Variants in AFF4 observed in about 807,000 individuals in gnomAD.
AFF4 encodes the protein ALF transcription elongation factor 4.
AFF4 carries 13 observed loss-of-function variants against 124.8 expected under a neutral mutation model. That is an observed-to-expected ratio of 0.10 (90% CI 0.07 to 0.17). The LOEUF is 0.17. Among genes scored for constraint, AFF4 ranks in the 10% least tolerant of loss-of-function variants. The pLI is 1.00. For missense variants in AFF4, 1,092 were observed against 1,403.8 expected, an observed-to-expected ratio of 0.78 and a Z score of 3.55; for synonymous variants, 477 against 496.1, an observed-to-expected ratio of 0.96 and a Z score of 0.51.
intron 1 of AFF4, among the ~76,000 whole-genome samples, chr5:132,947,590 G>A (rs1163467800): frequency 2.0e-5 from 3 of 152,102 alleles, no homozygotes; most frequent in Non-Finnish European, 4.4e-5. Flanking sequence ...AACTCTGAAA[G>A]TCAAAATGAG....
intron 1 of AFF4, among the ~76,000 whole-genome samples, chr5:132,941,586 T>C (rs10064589): frequency 0.38 from 57,220 of 151,974 alleles, 11,485 homozygotes; most frequent in East Asian, 0.6. Context: ...TCTGCTCACC[T>C]TGGCCTCCAA....
intron 6 of AFF4, among the ~76,000 whole-genome samples, chr5:132,903,271 G>A (rs188661555): frequency 1.3e-5 from 2 of 152,132 alleles, no homozygotes; most frequent in African/African-American, 2.4e-5. Context: ...CGGCCTTTAA[G>A]GTGGAACTAA....
At position 132,963,266 on chromosome 5, in the gene AFF4, C is replaced by G. The variant is rs1012612880; in HGVS notation, c.-12G>C. On this transcript the variant is annotated 5_prime_UTR_variant, in exon 1 of 21. Transcript: ENST00000265343. Reference sequence around the variant, plus strand: ...TCTGTCGGCCCTTCTTACCTCCAGTCCCGGCTCCGCTAGGCCCGAACCATC... The same window carrying G: ...TCTGTCGGCCCTTCTTACCTCCAGTGCCGGCTCCGCTAGGCCCGAACCATC... The G allele has an allele frequency of 5.1e-6, 2 of 394,158 alleles. No homozygotes were observed. The highest frequency in any genetic ancestry group is 3.6e-5 in the East Asian group (1 of 27,886). 24.4% of individuals were successfully genotyped at this position (394,158 alleles called of 1,614,324 possible).
intron 1 of AFF4, among the ~76,000 whole-genome samples, chr5:132,938,114 T>TA (rs1437940167): frequency 6.6e-5 from 10 of 150,992 alleles, no homozygotes; most frequent in Non-Finnish European, 1.0e-4. Flanking sequence ...GTTTTTTTTT[T>TA]TAAAAAAAAA....
intron 5 of AFF4, among the ~76,000 whole-genome samples, chr5:132,923,059 C>T (rs1270198814): frequency 6.6e-6 from 1 of 152,080 alleles, no homozygotes; most frequent in Non-Finnish European, 1.5e-5. Context: ...ACCTGTAGTC[C>T]CAGCTACTCA....
At chr5:132,939,373 C>T (rs1761513336) in intron 1 of AFF4, among the ~76,000 whole-genome samples, 1 of 152,170 alleles carries the variant, frequency 6.6e-6, no homozygotes, top group African/African-American at 2.4e-5. Flanking sequence ...CTATAGAACT[C>T]TATTTCAATC....
In AFF4 at chr5:132,926,931, C is replaced by G. The variant is rs1211962621; in HGVS notation, c.1050+190G>C. Reference sequence around the variant, plus strand: ...TCTTAATACCTCTTGATCCAAGATGCTCTCAGTTCCATTACCCTGCTAATT... The same window carrying G: ...TCTTAATACCTCTTGATCCAAGATGGTCTCAGTTCCATTACCCTGCTAATT... On this transcript the variant is annotated intron_variant, in intron 5 of 20. Transcript: ENST00000265343. 8 of 514,894 alleles carry G rather than the reference C, an allele frequency of 1.6e-5. No individual in the cohort carries two copies. In the Admixed American group the frequency reaches 2.2e-4, roughly 14 times the overall value. 31.9% of individuals were successfully genotyped at this position (514,894 alleles called of 1,614,324 possible).
chr5:132,952,212 A>G (rs1761860282), intron 1 of AFF4, among the ~76,000 whole-genome samples: 1 of 152,210 alleles, frequency 6.6e-6, no homozygotes, highest in Non-Finnish European at 1.5e-5. Flanking sequence ...AATTACTAAT[A>G]CTTTCCAAAA....
At chr5:132,931,732 G>A (rs1468389800) in intron 4 of AFF4, among the ~76,000 whole-genome samples, 1 of 152,200 alleles carries the variant, frequency 6.6e-6, no homozygotes, top group African/African-American at 2.4e-5. Flanking sequence ...GAAGCAGGTG[G>A]ATCACCTGAG....
intron 5 of AFF4, among the ~76,000 whole-genome samples, chr5:132,924,186 G>A (rs1289034822): frequency 2.6e-5 from 4 of 152,114 alleles, no homozygotes; most frequent in Non-Finnish European, 4.4e-5. Flanking sequence ...CCCAGGAGGC[G>A]GAGGTTGCAG....
chr5:132,954,634 G>A (rs1761914441), intron 1 of AFF4, among the ~76,000 whole-genome samples: 2 of 142,440 alleles, frequency 1.4e-5, no homozygotes, highest in African/African-American at 5.3e-5. Context: ...TGCAAGCTCC[G>A]CCTCCCGGGT....
At chr5:132,885,205 A>G (rs1760083322) in intron 18 of AFF4, 86 bp from the exon 19 acceptor site, 1 of 1,038,834 alleles carries the variant, frequency 9.6e-7, no homozygotes, top group Non-Finnish European at 1.4e-6. Flanking sequence ...GCTTTGGGCA[A>G]GAGCTCATCG....
rs775970739 is a variant in AFF4 at position 132,949,700 on chromosome 5, A to ACACACG, written c.-4-12508_-4-12507insCGTGTG. 4.5e-3 allele frequency among the ~76,000 whole-genome samples: 661 copies of ACACACG among 146,682 alleles called. 5 individuals are homozygous for ACACACG. Among genetic ancestry groups the ACACACG allele is most frequent in the African/African-American group, 0.014 (532 of 39,180 alleles). ...CCATGTGTACCACACACACACACAC[A>ACACACG]CGCGCGCGCGCGCGCGCCAGGCGTG... is the stretch of plus-strand genomic sequence containing the variant. On this transcript the variant is annotated intron_variant, in intron 1 of 20. Transcript: ENST00000265343.
rs1281101050 is a variant in AFF4 at position 132,883,395 on chromosome 5, G to A, written c.3309C>T (p.Phe1103=). 1 of 1,613,944 alleles carries A rather than the reference G, an allele frequency of 6.2e-7. No individual in the cohort carries two copies. The highest frequency in any genetic ancestry group is 1.3e-5 in the African/African-American group (1 of 74,922). ...GGTCCCAAATTTCGGTGGCATAGAG[G>A]AAGTTGGATGTGACCTGAACATAGC... ...AASYVQVTSN[F]LYATEIWDQA... is the part of the protein sequence containing the mutation. The change falls in exon 20 of 21, where the codon TTC becomes TTT. Residue 1103 remains phenylalanine, a synonymous_variant. Coordinates refer to ENST00000265343, the MANE Select transcript of AFF4 (RefSeq NM_014423.4).
chr5:132,960,237 A>G (rs1207183148), intron 1 of AFF4, among the ~76,000 whole-genome samples: 1 of 152,208 alleles, frequency 6.6e-6, no homozygotes, highest in African/African-American at 2.4e-5. Flanking sequence ...TGGGTAAAAC[A>G]TAATAAGGAT....
chr5:132,880,804 TATC>T lies in AFF4; in HGVS notation c.*252_*254del, dbSNP rs1759957680. 1 of 339,960 alleles carries T rather than the reference TATC, an allele frequency of 2.9e-6. No homozygotes were observed. The highest frequency in any genetic ancestry group is 5.3e-6 in the Non-Finnish European group (1 of 190,416). The allele number at this position is 339,960 out of a possible 1,614,324, so 21.1% of individuals were successfully genotyped here. A position where few individuals can be genotyped will look rare whatever the true frequency, so the allele number is the denominator to read the frequency against. Reference sequence around the variant, plus strand: ...TGAATTGCAACTGGAATTTCAATCTTATCATAGCTCACGGAAACCATCTTATCA... The same window carrying T: ...TGAATTGCAACTGGAATTTCAATCTTATAGCTCACGGAAACCATCTTATCA... On this transcript the variant is annotated 3_prime_UTR_variant, in exon 21 of 21. Coordinates refer to ENST00000265343, the MANE Select transcript of AFF4 (RefSeq NM_014423.4).
intron 1 of AFF4, among the ~76,000 whole-genome samples, chr5:132,940,512 AAAAT>A (rs1474002221): frequency 2.0e-5 from 3 of 152,192 alleles, no homozygotes; most frequent in Non-Finnish European, 2.9e-5. Context: ...AAAAAAAATA[AAAAT>A]AAAAACAAAA....
intron 6 of AFF4, among the ~76,000 whole-genome samples, chr5:132,902,989 G>C (rs1422555725): frequency 2.6e-5 from 4 of 152,168 alleles, no homozygotes; most frequent in African/African-American, 9.7e-5. Context: ...TGCTGATATA[G>C]AAATAGCTCT....
chr5:132,902,406 A>G lies in AFF4; in HGVS notation c.1133+36T>C, dbSNP rs748430710. ...ATATTACAGGTAACTTTTAGCAAAA[A>G]TGATAAATATTAAACTCATTAAGCA... On this transcript the variant is annotated intron_variant, in intron 7 of 20. Coordinates refer to ENST00000265343, the MANE Select transcript of AFF4 (RefSeq NM_014423.4). 6 of 1,533,508 alleles carry G rather than the reference A, an allele frequency of 3.9e-6. No homozygotes were observed. In the Admixed American group the frequency reaches 6.8e-5, roughly 17 times the overall value. The allele number at this position is 1,533,508 out of a possible 1,614,324, so 95.0% of individuals were successfully genotyped here.
Sources: gnomAD v4.1 joint callset for allele counts (sites outside exome capture counted in the v4.1 genomes callset) on GRCh38, gnomAD v4.1.1 for gene constraint, MANE v1.5 for transcripts, NCBI Gene and HGNC (gene_info 2026-07-23, HGNC 2026-07-21) for gene names.